PTCH1: variants seen among roughly 807,000 people sequenced by gnomAD.
The protein encoded by PTCH1 is patched 1.
PTCH1 carries 14 observed loss-of-function variants against 144.6 expected under a neutral mutation model. The ratio of observed to expected loss-of-function variants is 0.10; its 90% CI spans 0.06 to 0.15. PTCH1 has a LOEUF of 0.15. Among genes scored for constraint, PTCH1 ranks in the 10% least tolerant of loss-of-function variants. PTCH1 has a pLI of 1.00. For synonymous variants in PTCH1, 833 were observed against 793.6 expected (o/e 1.05, Z -0.83); for missense variants, 1,623 against 1,948.3 (o/e 0.83, Z 3.14).
At position 95,490,686 on chromosome 9, in the gene PTCH1, G is replaced by A. The variant is rs1842335387; in HGVS notation, c.395-4812C>T. ...AAAAAAGATTAATCTGATGGACTTA[G>A]AGAGTAGAATGAGGGTTATCAGAGG... is the stretch of plus-strand genomic sequence containing the variant. On this transcript the variant is annotated intron_variant, in intron 2 of 23. Coordinates refer to ENST00000331920, the MANE Select transcript of PTCH1 (RefSeq NM_000264.5). Among the ~76,000 whole-genome samples the A allele has an allele frequency of 2.0e-5, 3 of 152,106 alleles. No individual in the cohort carries two copies. In the South Asian group the frequency reaches 6.2e-4, roughly 32 times the overall value.
intron 2 of PTCH1, among the ~76,000 whole-genome samples, chr9:95,502,635 G>A (rs776391413): frequency 6.6e-6 from 1 of 152,128 alleles, no homozygotes; most frequent in Non-Finnish European, 1.5e-5. Flanking sequence ...ACATATAATT[G>A]ACAGTTTATT....
intron 2 of PTCH1, among the ~76,000 whole-genome samples, chr9:95,497,189 T>C (rs1252734662): frequency 6.6e-6 from 1 of 152,190 alleles, no homozygotes. Flanking sequence ...GTATTAATTT[T>C]TAAAAACCCT....
At chr9:95,502,687 A>G (rs1054904648) in intron 2 of PTCH1, among the ~76,000 whole-genome samples, 1 of 152,188 alleles carries the variant, frequency 6.6e-6, no homozygotes, top group Non-Finnish European at 1.5e-5. Flanking sequence ...ACAGAATACA[A>G]TAATTCTTAT....
chr9:95,477,496 G>T, intron 10 of PTCH1, 51 bp downstream of exon 10: 1 of 1,613,322 alleles, frequency 6.2e-7, no homozygotes, highest in Non-Finnish European at 8.5e-7. Context: ...CCAAGCCTGG[G>T]GGCCGGGTGG....
Position 95,508,549 on chromosome 9 carries a change from C to G in PTCH1, c.-188G>C, listed in dbSNP as rs1587701817. ...GCTGCTGCTGCTCACACGGCGGGCGCTGCTGCCGCTGCGGCCGCGGCCGCT... is the reference window on the plus strand; with the variant it reads ...GCTGCTGCTGCTCACACGGCGGGCGGTGCTGCCGCTGCGGCCGCGGCCGCT... On this transcript the variant is annotated 5_prime_UTR_variant, in exon 1 of 24. Transcript: ENST00000331920. 1 of 1,007,524 alleles carries G rather than the reference C, an allele frequency of 9.9e-7. No individual in the cohort carries two copies. Among genetic ancestry groups the G allele is most frequent in the African/African-American group, 1.7e-5 (1 of 57,580 alleles). The allele number at this position is 1,007,524 out of a possible 1,614,324, so 62.4% of individuals were successfully genotyped here.
intron 12 of PTCH1, chr9:95,473,969 C>CA (rs772928339): frequency 2.3e-6 from 1 of 426,664 alleles, no homozygotes; most frequent in Non-Finnish European, 4.7e-6. Context: ...AACAGAAACA[C>CA]AAAAACCAAC....
rs2118046380 is a variant in PTCH1, at chr9:95,468,994, G to C, written c.2007C>G (p.Asp669Glu). Residue 669 changes from aspartate to glutamate, a missense_variant, in exon 14 of 24, where the codon GAC becomes GAG. Transcript: ENST00000331920. Reference sequence around the variant, plus strand: ...TGGTGTAGTACACGTGCGTGTGGGGGTCGTACTCCGTGCGGAGCTGGACAG... The same window carrying C: ...TGGTGTAGTACACGTGCGTGTGGGGCTCGTACTCCGTGCGGAGCTGGACAG... The part of the protein sequence containing the change: ...QSTVQLRTEY[D>E]PHTHVYYTTA... 1 of 1,614,070 alleles carries C rather than the reference G, an allele frequency of 6.2e-7. No individual in the cohort carries two copies. Among genetic ancestry groups the C allele is most frequent in the Non-Finnish European group, 8.5e-7 (1 of 1,180,034 alleles).
chr9:95,474,073 T>C, intron 12 of PTCH1: 1 of 502,840 alleles, frequency 2.0e-6, no homozygotes, highest in South Asian at 1.5e-5. Context: ...AAACCTCATG[T>C]AGCTTTTCAG....
intron 5 of PTCH1, among the ~76,000 whole-genome samples, chr9:95,481,593 A>G (rs1351549968): frequency 6.6e-6 from 1 of 152,212 alleles, no homozygotes; most frequent in Admixed American, 6.5e-5. Flanking sequence ...CCACTCACTA[A>G]TAAAGTCTCT....
intron 19 of PTCH1, 41 bp downstream of exon 19, chr9:95,456,235 T>G (rs1248721798): frequency 1.2e-6 from 2 of 1,610,282 alleles, no homozygotes; most frequent in South Asian, 1.1e-5. Context: ...AGGAAATGGG[T>G]TGTTTTTTCA....
intron 14 of PTCH1, among the ~76,000 whole-genome samples, chr9:95,467,635 CT>C (rs1840138531): frequency 6.6e-6 from 1 of 152,138 alleles, no homozygotes; most frequent in Non-Finnish European, 1.5e-5. Context: ...TTGAGACAGT[CT>C]TGTGTTGCCA....
Position 95,447,341 on chromosome 9 carries a change from G to T in PTCH1, c.3915C>A (p.Asp1305Glu), listed in dbSNP as rs786204201. 1.2e-6 allele frequency: 2 copies of T among 1,613,372 alleles called. No homozygotes were observed. Among genetic ancestry groups the T allele is most frequent in the Non-Finnish European group, 1.7e-6 (2 of 1,179,978 alleles). Reference sequence around the variant, plus strand: ...GTGGCCACAAGCCTTCTCTGGGGGGGTCCCTGCGGGGCTGCTGGCCTTGCC... The same window carrying T: ...GTGGCCACAAGCCTTCTCTGGGGGGTTCCCTGCGGGGCTGCTGGCCTTGCC... Reference protein sequence around the residue: ...PGRQGQQPRRDPPREGLWPPP... With the variant: ...PGRQGQQPRREPPREGLWPPP... The change falls in exon 23 of 24, where the codon GAC becomes GAA. Residue 1305 changes from aspartate to glutamate, a missense_variant. Asp to Glu is a conservative substitution (Grantham distance 45). Coordinates refer to ENST00000331920, the MANE Select transcript of PTCH1 (RefSeq NM_000264.5).
chr9:95,499,445 T>G (rs938034722), intron 2 of PTCH1, among the ~76,000 whole-genome samples: 1 of 150,730 alleles, frequency 6.6e-6, no homozygotes, highest in Admixed American at 6.6e-5. Flanking sequence ...AGAGATCCAC[T>G]TGGAAGGAAA....
intron 12 of PTCH1, among the ~76,000 whole-genome samples, chr9:95,471,787 C>T (rs1840608734): frequency 6.6e-6 from 1 of 152,234 alleles, no homozygotes; most frequent in African/African-American, 2.4e-5. Flanking sequence ...TGCCTGTAAT[C>T]CCAGCACTGT....
At position 95,457,954 on chromosome 9, in the gene PTCH1, C is replaced by T. The variant is rs915746757; in HGVS notation, c.3168+59G>A. The T allele has an allele frequency of 8.7e-6, 14 of 1,605,504 alleles. No individual in the cohort carries two copies. The Admixed American group carries it at 1.2e-4, about 13-fold the overall frequency. ...AGACATAAACAAAACTTCCCGGCTG[C>T]AGAAAGAGCTATGCTGAAAGGAATT... On this transcript the variant is annotated intron_variant, in intron 18 of 23. Transcript: ENST00000331920.
intron 2 of PTCH1, among the ~76,000 whole-genome samples, chr9:95,491,185 G>A (rs1268251472): frequency 1.3e-5 from 2 of 152,122 alleles, no homozygotes; most frequent in South Asian, 2.1e-4. Flanking sequence ...CATTTGCAAA[G>A]CCCTTTGAGA....
At chr9:95,501,229 G>C (rs1281744957) in intron 2 of PTCH1, among the ~76,000 whole-genome samples, 2 of 151,962 alleles carry the variant, frequency 1.3e-5, no homozygotes, top group South Asian at 2.1e-4. Flanking sequence ...GCAATGACTG[G>C]AAACATTCTG....
chr9:95,459,622 G>A lies in PTCH1; in HGVS notation c.2865C>T (p.Tyr955=), dbSNP rs764854579. ...TACTTCTCAGCCTTGTTTCAGGCAT[G>A]TAGTCGGCTTTGTCGTGGACCCATT... ...RPEWVHDKAD[Y]MPETRLRIPA... Residue 955 remains tyrosine, a synonymous_variant, in exon 17 of 24, where the codon TAC becomes TAT. Transcript: ENST00000331920. 1.5e-5 allele frequency: 24 copies of A among 1,613,996 alleles called. No homozygotes were observed. The South Asian group carries it at 2.6e-4, about 18-fold the overall frequency.
chr9:95,506,205 G>A (rs1843609326), intron 2 of PTCH1: 2 of 517,136 alleles, frequency 3.9e-6, no homozygotes, highest in Non-Finnish European at 3.2e-6. Flanking sequence ...GGCCGGCGCA[G>A]CGCCCCGAGT....
Sources: gnomAD v4.1 joint callset for allele counts (sites outside exome capture counted in the v4.1 genomes callset) on GRCh38, gnomAD v4.1.1 for gene constraint, MANE v1.5 for transcripts, NCBI Gene and HGNC (gene_info 2026-07-23, HGNC 2026-07-21) for gene names.